PSMD13: variants seen among roughly 807,000 people sequenced by gnomAD.
The protein encoded by PSMD13 is 26S proteasome non-ATPase regulatory subunit 13.
A neutral mutation model predicts 57.4 loss-of-function variants in PSMD13; 8 were observed. That is an observed-to-expected ratio of 0.14 (90% CI 0.08 to 0.25). PSMD13 has a LOEUF of 0.25. PSMD13 is among the 10% of genes least tolerant of loss of function. The pLI, the probability that PSMD13 is intolerant of heterozygous loss-of-function variation, is 1.00. For missense variants in PSMD13, 400 were observed against 461.5 expected (o/e 0.87, Z 1.22); for synonymous variants, 193 against 168.2 (o/e 1.15, Z -1.14).
intron 2 of PSMD13, among the ~76,000 whole-genome samples, chr11:242,761 A>G (rs1056437358): frequency 7.9e-5 from 12 of 152,062 alleles, no homozygotes; most frequent in African/African-American, 2.9e-4. Context: ...GTAGTACCGC[A>G]TACTTGATCC....
At position 252,403 on chromosome 11, in the gene PSMD13, T is replaced by C; in HGVS notation, c.1036-102T>C. The stretch of plus-strand genomic sequence containing the variant: ...TTTTTACTAGAGCTGCCCTAGAGAG[T>C]TAGCTGGAGATGTAGAGTCACCCCA... On this transcript the variant is annotated intron_variant, in intron 12 of 12. Coordinates refer to ENST00000532097, the MANE Select transcript of PSMD13 (RefSeq NM_002817.4). This position sits in a 1 kb window ranked among gnomAD's most constrained non-coding sequence, Gnocchi z 4.1. The C allele has an allele frequency of 9.4e-7, 1 of 1,062,930 alleles. No homozygotes were observed. Among genetic ancestry groups the C allele is most frequent in the South Asian group, 1.3e-5 (1 of 76,358 alleles). The allele number at this position is 1,062,930 out of a possible 1,614,324, so 65.8% of individuals were successfully genotyped here. A position where few individuals can be genotyped will look rare whatever the true frequency, so the allele number is the denominator to read the frequency against.
At chr11:243,279 C>T (rs1859556397) in intron 2 of PSMD13, 1 of 424,074 alleles carries the variant, frequency 2.4e-6, no homozygotes, top group Non-Finnish European at 4.8e-6. Flanking sequence ...TTGAGCTGGG[C>T]CCAGATTCTG....
At chr11:245,607 C>A (rs532975278) in intron 6 of PSMD13, among the ~76,000 whole-genome samples, 1 of 149,824 alleles carries the variant, frequency 6.7e-6, no homozygotes, top group Non-Finnish European at 1.5e-5. Flanking sequence ...GCAGTGAAAC[C>A]GACATGTGGC....
chr11:245,685 CATGTGTGTTCGTGTGTTT>C (rs1208287358), intron 6 of PSMD13, among the ~76,000 whole-genome samples: 1 of 58,766 alleles, frequency 1.7e-5, no homozygotes, highest in Non-Finnish European at 3.4e-5. Context: ...TGTGTGTTTG[CATGTGTGTTCGTGTGTTT>C]GTGTGTGTTT....
chr11:250,968 G>A lies in PSMD13; in HGVS notation c.837+103G>A, dbSNP rs780616011. Reference sequence around the variant, plus strand: ...GTGCTGAGCAGTGTGAGCTTTCAGTGGTGCTGCTTCTGCTGTGCGCCGCTC... The same window carrying A: ...GTGCTGAGCAGTGTGAGCTTTCAGTAGTGCTGCTTCTGCTGTGCGCCGCTC... On this transcript the variant is annotated intron_variant, in intron 10 of 12. Transcript: ENST00000532097. 9.7e-5 allele frequency: 100 copies of A among 1,026,154 alleles called. No homozygotes were observed. In the East Asian group the frequency reaches 1.9e-3, roughly 20 times the overall value. 63.6% of individuals were successfully genotyped at this position (1,026,154 alleles called of 1,614,324 possible).
In PSMD13 at chr11:242,147, T is replaced by A. The variant is rs936199432; in HGVS notation, c.175-1894T>A. On this transcript the variant is annotated intron_variant, in intron 2 of 12. Coordinates refer to ENST00000532097, the MANE Select transcript of PSMD13 (RefSeq NM_002817.4). ...TTCTGCCCCTTTTTTTTTCTTTCTT[T>A]CTTTTTGCTCTTAAACTCACTGTAT... Among the ~76,000 whole-genome samples, 7 of 150,694 alleles carry A rather than the reference T, an allele frequency of 4.6e-5. No individual in the cohort carries two copies. The Admixed American group carries it at 4.7e-4, about 10-fold the overall frequency.
intron 7 of PSMD13, 105 bp from the exon 8 acceptor site, chr11:248,671 C>A: frequency 9.2e-7 from 1 of 1,081,116 alleles, no homozygotes; most frequent in Admixed American, 2.0e-5. Flanking sequence ...TAATAACAAC[C>A]ATTACAAACA....
Position 251,168 on chromosome 11 carries a change from C to A in PSMD13, c.837+303C>A. On this transcript the variant is annotated intron_variant, in intron 10 of 12. Coordinates refer to ENST00000532097, the MANE Select transcript of PSMD13 (RefSeq NM_002817.4). The surrounding 1 kb of genome is among the most constrained non-coding windows in gnomAD (Gnocchi z 4.6). ...CCGTGATGCAGTTGTTGCCTCATTG[C>A]ATGTCGCTTCTTGTGTACACGCACA... 2.2e-6 allele frequency: 1 copy of A among 462,492 alleles called. No individual in the cohort carries two copies. Among genetic ancestry groups the A allele is most frequent in the Non-Finnish European group, 3.9e-6 (1 of 253,444 alleles). 28.6% of individuals were successfully genotyped at this position (462,492 alleles called of 1,614,324 possible).
chr11:245,641 CGTGTGTGTGTGTGTGTGTGTGTGTGT>C (rs4029226), intron 6 of PSMD13, among the ~76,000 whole-genome samples: 2 of 122,348 alleles, frequency 1.6e-5, no homozygotes, highest in Admixed American at 1.6e-4. Flanking sequence ...TGAACCAGAA[CGTGTGTGTGTGTGTGTGTGTGTGTGT>C]GTGTGTGTGT....
intron 8 of PSMD13, 35 bp from the exon 9 acceptor site, chr11:248,896 TA>T: frequency 6.2e-7 from 1 of 1,614,132 alleles, no homozygotes; most frequent in Non-Finnish European, 8.5e-7. Context: ...CGAGAGAGAC[TA>T]AAGTGTTACT....
At chr11:240,842 A>G (rs1388386680) in intron 2 of PSMD13, among the ~76,000 whole-genome samples, 1 of 152,024 alleles carries the variant, frequency 6.6e-6, no homozygotes, top group East Asian at 1.9e-4. Context: ...TATTATTATT[A>G]TTTTTTGAGA....
At chr11:237,213 G>A (rs1367733877) in intron 1 of PSMD13, 69 bp downstream of exon 1, 1 of 1,458,566 alleles carries the variant, frequency 6.9e-7, no homozygotes, top group Non-Finnish European at 9.4e-7. Context: ...GCGGGCGGAG[G>A]AGCGGACCCT....
At chr11:244,643 G>C in intron 5 of PSMD13, 32 bp from the exon 6 acceptor site, 1 of 1,589,356 alleles carries the variant, frequency 6.3e-7, no homozygotes, top group Non-Finnish European at 8.6e-7. Flanking sequence ...CCCACATTCT[G>C]AGGTTTCTTG....
chr11:240,340 G>C (rs2133983411), intron 2 of PSMD13, among the ~76,000 whole-genome samples: 1 of 152,170 alleles, frequency 6.6e-6, no homozygotes, highest in South Asian at 2.1e-4. Context: ...TCAGACTCCT[G>C]ACCTCAGGTG....
At chr11:245,108 TTTTTTTGTA>T (rs1859603602) in intron 6 of PSMD13, among the ~76,000 whole-genome samples, 1 of 152,028 alleles carries the variant, frequency 6.6e-6, no homozygotes, top group Admixed American at 6.5e-5. Context: ...GCCCGGCTAA[TTTTTTTGTA>T]TTTTTAGTAG....
In PSMD13 at chr11:251,510, A is replaced by C; in HGVS notation, c.838-36A>C. The C allele has an allele frequency of 3.3e-6, 5 of 1,520,372 alleles. No homozygotes were observed. The highest frequency in any genetic ancestry group is 4.5e-6 in the Non-Finnish European group (5 of 1,104,968). 94.2% of individuals were successfully genotyped at this position (1,520,372 alleles called of 1,614,324 possible). A position where few individuals can be genotyped will look rare whatever the true frequency, so the allele number is the denominator to read the frequency against. ...TATCAGTTCTCTATTTTTATTTGGA[A>C]AAATAGTTTAAAATAGTTAATAAAA... On this transcript the variant is annotated intron_variant, in intron 10 of 12. Transcript: ENST00000532097. This position sits in a 1 kb window ranked among gnomAD's most constrained non-coding sequence, Gnocchi z 4.6.
intron 9 of PSMD13, 147 bp from the exon 10 acceptor site, chr11:250,656 C>A: frequency 1.5e-6 from 1 of 651,338 alleles, no homozygotes; most frequent in Non-Finnish European, 2.8e-6. Context: ...TGTTAATGAG[C>A]TTCAGCAGTC....
intron 1 of PSMD13, 34 bp from the exon 2 acceptor site, chr11:238,964 A>C (rs934448528): frequency 1.3e-6 from 2 of 1,581,928 alleles, no homozygotes; most frequent in African/African-American, 1.3e-5. Context: ...ACTGGATATT[A>C]GGTTAGAGGT....
rs2133993131 is a variant in PSMD13 at position 250,835 on chromosome 11, G to A, written c.807G>A (p.Leu269=). 1 of 1,613,996 alleles carries A rather than the reference G, an allele frequency of 6.2e-7. No individual in the cohort carries two copies. Among genetic ancestry groups the A allele is most frequent in the Non-Finnish European group, 8.5e-7 (1 of 1,179,996 alleles). The stretch of plus-strand genomic sequence containing the variant: ...TAGCAGCTAATGAAGCCCAGCTTCT[G>A]AGGAAAATTCAGTTGTTGTGCCTCA... ...PDLAANEAQL[L]RKIQLLCLME... Residue 269 remains leucine (L), a synonymous_variant, in exon 10 of 13, where the codon CTG becomes CTA. Transcript: ENST00000532097.
Sources: allele counts gnomAD v4.1 joint callset (sites outside exome capture counted in the v4.1 genomes callset), GRCh38; gene constraint gnomAD v4.1.1; non-coding constraint Gnocchi (gnomAD v3.1); transcripts MANE v1.5; gene names NCBI Gene and HGNC (gene_info 2026-07-23, HGNC 2026-07-21).